Variants in ANKFN1 observed in about 807,000 individuals in gnomAD.
ANKFN1 encodes the protein ankyrin repeat and fibronectin type III domain containing 1.
A neutral mutation model predicts 108.7 loss-of-function variants in ANKFN1; 74 were observed. The observed-to-expected ratio is 0.68, with a 90% confidence interval of 0.56 to 0.83. The LOEUF (loss-of-function observed/expected upper bound fraction) is 0.83. Among genes scored for constraint, ANKFN1 ranks in the 40% least tolerant of loss-of-function variants. ANKFN1 has a pLI of 0.00. For synonymous variants in ANKFN1, 547 were observed against 516.2 expected, an observed-to-expected ratio of 1.06 and a Z score of -0.81; for missense variants, 1,505 against 1,382.3, an observed-to-expected ratio of 1.09 and a Z score of -1.41.
At chr17:56,093,880 C>T (rs1418056251) in intron 4 of ANKFN1, among the ~76,000 whole-genome samples, 2 of 151,296 alleles carry the variant, frequency 1.3e-5, no homozygotes, top group Non-Finnish European at 3.0e-5. Context: ...TGTTGAAGTC[C>T]TAATCCCCAA....
intron 20 of ANKFN1, among the ~76,000 whole-genome samples, chr17:56,506,302 T>A (rs2051563782): frequency 6.7e-6 from 1 of 148,830 alleles, no homozygotes; most frequent in South Asian, 2.2e-4. Flanking sequence ...GCAGATGAAA[T>A]TAAAGATCTT....
intron 3 of ANKFN1, among the ~76,000 whole-genome samples, chr17:56,269,735 A>G (rs2043743385): frequency 6.6e-6 from 1 of 152,220 alleles, no homozygotes; most frequent in Non-Finnish European, 1.5e-5. Flanking sequence ...TCTGCAAGGA[A>G]AATGCAACAG....
At chr17:56,306,578 C>T (rs959013025) in intron 3 of ANKFN1, among the ~76,000 whole-genome samples, 5 of 152,062 alleles carry the variant, frequency 3.3e-5, no homozygotes, top group African/African-American at 7.2e-5. Flanking sequence ...AAATAAAAGA[C>T]GATATGAACA....
intron 3 of ANKFN1, among the ~76,000 whole-genome samples, chr17:56,286,599 A>G (rs2044223523): frequency 6.6e-6 from 1 of 152,264 alleles, no homozygotes; most frequent in African/African-American, 2.4e-5. Context: ...TCCTTACAAC[A>G]TGGCGGCAGG....
chr17:56,340,708 C>T (rs1041542718), intron 4 of ANKFN1, among the ~76,000 whole-genome samples: 4 of 151,900 alleles, frequency 2.6e-5, no homozygotes, highest in Non-Finnish European at 5.9e-5. Flanking sequence ...TACTGTACCC[C>T]TGTGTTATAG....
intron 4 of ANKFN1, among the ~76,000 whole-genome samples, chr17:56,084,523 C>T (rs1223057719): frequency 6.6e-6 from 1 of 151,282 alleles, no homozygotes; most frequent in African/African-American, 2.4e-5. Context: ...GAGCCTCTAT[C>T]GTGTGGGCTG....
At chr17:56,408,896 T>G (rs2048001370) in intron 8 of ANKFN1, among the ~76,000 whole-genome samples, 1 of 152,024 alleles carries the variant, frequency 6.6e-6, no homozygotes, top group African/African-American at 2.4e-5. Context: ...TTATGTTACT[T>G]AGAATACAAA....
chr17:56,281,152 G>GGGTCTTAGGTGGAGGTTATGCAT (rs2044072584), intron 3 of ANKFN1, among the ~76,000 whole-genome samples: 1 of 152,078 alleles, frequency 6.6e-6, no homozygotes, highest in Non-Finnish European at 1.5e-5. Flanking sequence ...GACTAATACA[G>GGGTCTTAGGTGGAGGTTATGCAT]AGGCCTCAAG....
chr17:56,230,114 C>G (rs1916620457), intron 3 of ANKFN1, among the ~76,000 whole-genome samples: 1 of 152,104 alleles, frequency 6.6e-6, no homozygotes, highest in African/African-American at 2.4e-5. Flanking sequence ...TGACAGGAGA[C>G]TTTCCAAGTA....
intron 3 of ANKFN1, among the ~76,000 whole-genome samples, chr17:56,274,065 A>G (rs975820611): frequency 2.6e-5 from 4 of 152,186 alleles, no homozygotes; most frequent in Non-Finnish European, 5.9e-5. Context: ...AACCATAGTA[A>G]TAGGACATTC....
chr17:56,222,132 A>G (rs1915935555), intron 2 of ANKFN1, among the ~76,000 whole-genome samples: 1 of 152,164 alleles, frequency 6.6e-6, no homozygotes, highest in African/African-American at 2.4e-5. Context: ...TTTTAGATGT[A>G]TGGCTGAGGA....
intron 8 of ANKFN1, among the ~76,000 whole-genome samples, chr17:56,436,353 C>CTTTTCCTTCTT (rs1241923505): frequency 6.6e-6 from 1 of 152,170 alleles, no homozygotes; most frequent in Non-Finnish European, 1.5e-5. Context: ...TTAAGCCCTG[C>CTTTTCCTTCTT]TTTTCCTTCT....
chr17:56,390,466 G>C (rs945343046), intron 8 of ANKFN1, among the ~76,000 whole-genome samples: 20 of 152,114 alleles, frequency 1.3e-4, no homozygotes, highest in African/African-American at 4.8e-4. Flanking sequence ...ATTTGGGTTG[G>C]TTCCAAGTCT....
chr17:56,204,932 C>T (rs536545166), intron 1 of ANKFN1, among the ~76,000 whole-genome samples: 33 of 152,076 alleles, frequency 2.2e-4, no homozygotes, highest in African/African-American at 7.9e-4. Context: ...AATAATTAGC[C>T]AGGCGTGGTG....
At chr17:56,340,421 G>GT (rs200000455) in intron 4 of ANKFN1, among the ~76,000 whole-genome samples, 3,087 of 151,762 alleles carry the variant, frequency 0.02, 96 homozygotes, top group African/African-American at 0.068. Flanking sequence ...GTCTTCCAGG[G>GT]TTTTTTTTAT....
chr17:56,112,927 GATGTGTGT>G (rs926611508), intron 4 of ANKFN1, among the ~76,000 whole-genome samples: 75 of 152,242 alleles, frequency 4.9e-4, no homozygotes, highest in African/African-American at 1.8e-3. Context: ...GCATGTAATT[GATGTGTGT>G]ATGTGTGTAC....
chr17:56,325,321 A>G (rs955547913), intron 3 of ANKFN1, among the ~76,000 whole-genome samples: 1 of 146,652 alleles, frequency 6.8e-6, no homozygotes, highest in African/African-American at 2.4e-5. Flanking sequence ...ATGTGCTATC[A>G]ATCGGCAAGT....
intron 8 of ANKFN1, among the ~76,000 whole-genome samples, chr17:56,410,356 A>G (rs2048055659): frequency 6.6e-6 from 1 of 152,100 alleles, no homozygotes; most frequent in African/African-American, 2.4e-5. Flanking sequence ...CGGCCTCCCA[A>G]AGTGCTGGGA....
chr17:56,229,861 G>C (rs1916594510), intron 3 of ANKFN1, among the ~76,000 whole-genome samples: 1 of 151,760 alleles, frequency 6.6e-6, no homozygotes, highest in Non-Finnish European at 1.5e-5. Context: ...AGACAAAATG[G>C]GTCTACCCAG....
Sources: gnomAD v4.1 joint callset for allele counts (sites outside exome capture counted in the v4.1 genomes callset) on GRCh38, gnomAD v4.1.1 for gene constraint, MANE v1.5 for transcripts, NCBI Gene and HGNC (gene_info 2026-07-23, HGNC 2026-07-21) for gene names.